DIDO1: variants seen among roughly 807,000 people sequenced by gnomAD.
The protein encoded by DIDO1 is death inducer-obliterator 1, also known as death-inducer obliterator 1.
In DIDO1, 16 loss-of-function variants were observed where a neutral mutation model predicts 99.4. The ratio of observed to expected loss-of-function variants is 0.16; its 90% CI spans 0.11 to 0.24. The LOEUF (loss-of-function observed/expected upper bound fraction) is 0.24, where lower values mean the gene tolerates loss of function less well. Among genes scored for constraint, DIDO1 ranks in the 10% least tolerant of loss-of-function variants. The pLI is 1.00. For synonymous variants in DIDO1, 1,366 were observed against 1,239.1 expected, an observed-to-expected ratio of 1.10 and a Z score of -2.15; for missense variants, 2,996 against 3,014.0, an observed-to-expected ratio of 0.99 and a Z score of 0.14.
intron 1 of DIDO1, among the ~76,000 whole-genome samples, chr20:62,916,773 T>C (rs1187264988): frequency 1.3e-5 from 2 of 152,190 alleles, no homozygotes; most frequent in Non-Finnish European, 1.5e-5. Context: ...ATTGTAACCA[T>C]CTTCACATAA....
chr20:62,881,187 A>G lies in DIDO1; in HGVS notation c.4769T>C (p.Leu1590Pro). 6.2e-7 allele frequency: 1 copy of G among 1,607,818 alleles called. No individual in the cohort carries two copies. The highest frequency in any genetic ancestry group is 1.7e-4 in the Middle Eastern group (1 of 6,060). The change falls in exon 16 of 16, where the codon CTG becomes CCG. Residue 1590 changes from leucine (L) to proline (P), a missense_variant. Around this residue, in one of 5 missense-constraint regions of DIDO1, gnomAD observed 1,562 missense variants for 1,412.6 expected, o/e 1.11. Coordinates refer to ENST00000395343, the MANE Select transcript of DIDO1 (RefSeq NM_001193369.2). This position sits in a 1 kb window ranked among gnomAD's most constrained non-coding sequence, Gnocchi z 8.3. ...RLSARGAQGA[L>P]PERDASRGGL... The stretch of plus-strand genomic sequence containing the variant: ...ACCCCTGGAAGCATCTCTCTCGGGC[A>G]GGGCACCCTGGGCACCACGTGCCGA...
chr20:62,897,764 C>T (rs570293405), intron 6 of DIDO1, among the ~76,000 whole-genome samples: 1 of 152,322 alleles, frequency 6.6e-6, no homozygotes, highest in African/African-American at 2.4e-5. Context: ...ACCTTATAAC[C>T]CCATGTGAGA....
chr20:62,890,296 G>T (rs1467031652), intron 15 of DIDO1: 1 of 985,850 alleles, frequency 1.0e-6, no homozygotes, highest in Admixed American at 6.1e-5. Context: ...TTCTTCTAAG[G>T]GGCTATGAAA....
At chr20:62,930,021 C>T (rs762702963), upstream of DIDO1, among the ~76,000 whole-genome samples, 3 of 151,906 alleles carry the variant, frequency 2.0e-5, no homozygotes, top group Non-Finnish European at 4.4e-5. Flanking sequence ...CGCCTGAGGT[C>T]CTGAGGTTAG....
Position 62,894,056 on chromosome 20 carries a change from G to C in DIDO1, c.2711C>G (p.Pro904Arg). The part of the protein sequence containing the change: ...PAPDSADEVM[P>R]EAVPEVASEP... Reference sequence around the variant, plus strand: ...AGAGGCAACTTCAGGCACAGCCTCCGGCATCACCTCATCAGCTGAATCCGG... The same window carrying C: ...AGAGGCAACTTCAGGCACAGCCTCCCGCATCACCTCATCAGCTGAATCCGG... Residue 904 changes from proline to arginine, a missense_variant, in exon 12 of 16, where the codon CCG (proline) becomes CGG (arginine). Physicochemically the swap from Pro to Arg is moderately radical, Grantham distance 103 (BLOSUM62 -2). This residue lies in a region of DIDO1 where 898 missense variants were observed against 972.7 expected (regional missense o/e 0.92). Coordinates refer to ENST00000395343, the MANE Select transcript of DIDO1 (RefSeq NM_001193369.2). The surrounding 1 kb of genome is among the most constrained non-coding windows in gnomAD (Gnocchi z 4.4). 1 of 1,614,200 alleles carries C rather than the reference G, an allele frequency of 6.2e-7. No individual in the cohort carries two copies. Among genetic ancestry groups the C allele is most frequent in the Non-Finnish European group, 8.5e-7 (1 of 1,180,044 alleles).
In DIDO1 at chr20:62,880,173, C is replaced by A; in HGVS notation, c.5783G>T (p.Gly1928Val). The A allele has an allele frequency of 1.2e-6, 2 of 1,612,314 alleles. No homozygotes were observed. Among genetic ancestry groups the A allele is most frequent in the Non-Finnish European group, 1.7e-6 (2 of 1,179,866 alleles). Residue 1928 changes from glycine (G) to valine (V), a missense_variant, in exon 16 of 16, where the codon GGG becomes GTG. Physicochemically the swap from Gly to Val is moderately radical, Grantham distance 109. This residue lies in a region of DIDO1 where 1,562 missense variants were observed against 1,412.6 expected (regional missense o/e 1.11). Coordinates refer to ENST00000395343, the MANE Select transcript of DIDO1 (RefSeq NM_001193369.2). ...PPPGHFVGPR[G>V]PHPSQFETAR... is the part of the protein sequence containing the mutation. ...AGTTTCAAACTGACTAGGATGGGGC[C>A]CTCTTGGGCCCACGAAATGACCAGG...
intron 1 of DIDO1, among the ~76,000 whole-genome samples, chr20:62,936,880 A>G (rs1319980623): frequency 6.6e-6 from 1 of 152,262 alleles, no homozygotes; most frequent in African/African-American, 2.4e-5. Context: ...TAACTAAATA[A>G]AGACCAATAA....
chr20:62,892,742 G>A, intron 13 of DIDO1, 67 bp downstream of exon 13: 1 of 1,534,276 alleles, frequency 6.5e-7, no homozygotes, highest in Non-Finnish European at 8.8e-7. Flanking sequence ...AAAGTCATGT[G>A]TTTGACTCTA....
Position 62,905,911 on chromosome 20 carries a change from G to A in DIDO1, c.1564C>T (p.Pro522Ser). ...NAVKPEKTAA[P>S]SPSLLYKSTK... ...CATTTATACAACAGTGACGGCGAGGGAGCAGCAGTCTTTTCTGGCTTTACT... is the reference window on the plus strand; with the variant it reads ...CATTTATACAACAGTGACGGCGAGGAAGCAGCAGTCTTTTCTGGCTTTACT... The change falls in exon 6 of 16, where the codon CCC becomes TCC. Residue 522 changes from proline (P) to serine (S), a missense_variant. This residue lies in a region of DIDO1 where 898 missense variants were observed against 972.7 expected (regional missense o/e 0.92). Transcript: ENST00000395343. 2 of 1,614,110 alleles carry A rather than the reference G, an allele frequency of 1.2e-6. No homozygotes were observed. Among genetic ancestry groups the A allele is most frequent in the Non-Finnish European group, 1.7e-6 (2 of 1,180,016 alleles).
At position 62,879,602 on chromosome 20, in the gene DIDO1, C is replaced by T; in HGVS notation, c.6354G>A (p.Glu2118=). The T allele has an allele frequency of 1.2e-6, 2 of 1,603,856 alleles. No homozygotes were observed. The highest frequency in any genetic ancestry group is 1.6e-4 in the Middle Eastern group (1 of 6,062). The stretch of plus-strand genomic sequence containing the variant: ...GCTCTCGGCTCCAGTTTCGGCCGCG[C>T]TCGCGCTCTCTCCTCCTGTCCTCGG... ...RASEDRRRER[E]RGRNWSRERD... The change falls in exon 16 of 16, where the codon GAG becomes GAA. Residue 2118 remains glutamate (E), a synonymous_variant. Coordinates refer to ENST00000395343, the MANE Select transcript of DIDO1 (RefSeq NM_001193369.2). The surrounding 1 kb of genome is among the most constrained non-coding windows in gnomAD (Gnocchi z 6.3).
intron 1 of DIDO1, among the ~76,000 whole-genome samples, chr20:62,915,475 A>G (rs1395441906): frequency 6.6e-6 from 1 of 152,180 alleles, no homozygotes; most frequent in Non-Finnish European, 1.5e-5. Context: ...TGCAACACTG[A>G]GCATTTAATT....
rs1265599214 is a variant in DIDO1, at chr20:62,893,676, G to A, written c.3091C>T (p.Pro1031Ser). The A allele has an allele frequency of 5.0e-6, 8 of 1,599,544 alleles. No homozygotes were observed. Among genetic ancestry groups the A allele is most frequent in the African/African-American group, 4.0e-5 (3 of 74,700 alleles). ...DPRYLSVPPSPNISTSESRSP... is the reference protein window; with the variant it reads ...DPRYLSVPPSSNISTSESRSP... ...ACCTGAAGTACGCACCTGATATTTG[G>A]TGACGGAGGAACTGACAGGTATCTT... Residue 1031 changes from proline (P) to serine (S), a missense_variant, in exon 12 of 16, where the codon CCA (proline) becomes TCA (serine). By Grantham distance (74) the Pro-to-Ser change is moderately conservative. Transcript: ENST00000395343.
rs139027150 is a variant in DIDO1, at chr20:62,911,486, C to A, written c.127G>T (p.Ala43Ser). ...TIAKREGAGD[A>S]EADPLEPPPP... ...GGCGGCTCCAGTGGGTCAGCCTCCG[C>A]GTCCCCTGCGCCCTCTCGCTTGGCG... Residue 43 changes from alanine to serine, a missense_variant, in exon 3 of 16, where the codon GCG (alanine) becomes TCG (serine). By Grantham distance (99) the Ala-to-Ser change is moderately conservative. This residue lies in a region of DIDO1 where 388 missense variants were observed against 376.6 expected (regional missense o/e 1.03). Coordinates refer to ENST00000395343, the MANE Select transcript of DIDO1 (RefSeq NM_001193369.2). The surrounding 1 kb of genome is among the most constrained non-coding windows in gnomAD (Gnocchi z 7.0). 4.3e-6 allele frequency: 7 copies of A among 1,612,492 alleles called. No individual in the cohort carries two copies. In the South Asian group the frequency reaches 6.6e-5, roughly 15 times the overall value.
chr20:62,882,898 G>T (rs2064236157), intron 15 of DIDO1, among the ~76,000 whole-genome samples: 1 of 150,120 alleles, frequency 6.7e-6, no homozygotes, highest in Non-Finnish European at 1.5e-5. Flanking sequence ...GCCACTGCCA[G>T]GAAGGTAACA....
Position 62,879,731 on chromosome 20 carries a change from G to T in DIDO1, c.6225C>A (p.Gly2075=), listed in dbSNP as rs773386887. The change falls in exon 16 of 16, where the codon GGC becomes GGA. Residue 2075 remains glycine (G), a synonymous_variant. Transcript: ENST00000395343. The surrounding 1 kb of genome is among the most constrained non-coding windows in gnomAD (Gnocchi z 6.3). The stretch of plus-strand genomic sequence containing the variant: ...CGAAAGTCTGGTTTCTGTATTCGTG[G>T]CCTTTCCCCTCTCGGAAGTCGGCCG... The part of the protein sequence containing the change: ...WASADFREGK[G]HEYRNQTFEG... 6.2e-7 allele frequency: 1 copy of T among 1,611,654 alleles called. No homozygotes were observed. The highest frequency in any genetic ancestry group is 1.1e-5 in the South Asian group (1 of 91,080).
chr20:62,922,818 G>A (rs987439205), intron 1 of DIDO1, among the ~76,000 whole-genome samples: 4 of 152,216 alleles, frequency 2.6e-5, no homozygotes, highest in African/African-American at 9.6e-5. Flanking sequence ...TTGGCACAGG[G>A]AAGAGAGCGG....
chr20:62,902,044 G>C (rs757724583), intron 6 of DIDO1, among the ~76,000 whole-genome samples: 7 of 151,992 alleles, frequency 4.6e-5, no homozygotes, highest in Non-Finnish European at 7.4e-5. Context: ...GGTGAATTCA[G>C]GGGGACCGAT....
rs1199841430 is a variant in DIDO1 at position 62,911,936 on chromosome 20, A to G, written c.-2-322T>C. Among the ~76,000 whole-genome samples the G allele has an allele frequency of 6.6e-6, 1 of 151,702 alleles. No homozygotes were observed. The highest frequency in any genetic ancestry group is 1.5e-5 in the Non-Finnish European group (1 of 68,040). ...GGACAAATAGGAAATATTGGACAGT[A>G]TAGCAGGGTAAGGATGTGAGTAAGG... On this transcript the variant is annotated intron_variant, in intron 2 of 15. Transcript: ENST00000395343. The surrounding 1 kb of genome is among the most constrained non-coding windows in gnomAD (Gnocchi z 7.0).
chr20:62,916,737 A>G, intron 1 of DIDO1, among the ~76,000 whole-genome samples: 1 of 151,032 alleles, frequency 6.6e-6, no homozygotes, highest in East Asian at 1.9e-4. Flanking sequence ...ATCTTGCCTC[A>G]CACAGATAGG....
Sources: gnomAD v4.1 joint callset for allele counts (sites outside exome capture counted in the v4.1 genomes callset) on GRCh38, gnomAD v4.1.1 for gene constraint, gnomAD v4.1.1 regional missense constraint, Gnocchi (gnomAD v3.1) non-coding constraint, MANE v1.5 for transcripts, NCBI Gene and HGNC (gene_info 2026-07-23, HGNC 2026-07-21) for gene names.